PFN2: variants seen among roughly 807,000 people sequenced by gnomAD.
The protein encoded by PFN2 is profilin 2, also known as profilin-2.
PFN2 carries 8 observed loss-of-function variants against 15.3 expected under a neutral mutation model. That is an observed-to-expected ratio of 0.52 (90% CI 0.31 to 0.95). The LOEUF (loss-of-function observed/expected upper bound fraction) is 0.95. PFN2 is among the 40% of genes least tolerant of loss of function. The probability of loss-of-function intolerance (pLI) is 0.05; values close to 1 mark genes in which losing one functional copy is unlikely to be tolerated. For missense variants in PFN2, 111 were observed against 182.3 expected, an observed-to-expected ratio of 0.61 and a Z score of 2.25; for synonymous variants, 79 against 67.9, an observed-to-expected ratio of 1.16 and a Z score of -0.81.
At chr3:149,966,781 A>C (rs1722705648) in intron 2 of PFN2, among the ~76,000 whole-genome samples, 195 bp from the exon 3 acceptor site, 1 of 152,138 alleles carries the variant, frequency 6.6e-6, no homozygotes, top group South Asian at 2.1e-4. Context: ...AGTAAACTTG[A>C]CTGCATCTTG....
Position 149,966,018 on chromosome 3 carries a change from A to G in PFN2, c.*471T>C. ...TAAGGGTTGGTTACATACAGTGGTTAACATACAAATGATCCATTGGGCAAA... is the reference window on the plus strand; with the variant it reads ...TAAGGGTTGGTTACATACAGTGGTTGACATACAAATGATCCATTGGGCAAA... On this transcript the variant is annotated 3_prime_UTR_variant, in exon 3 of 3. Transcript: ENST00000239940. 2 of 1,466,192 alleles carry G rather than the reference A, an allele frequency of 1.4e-6. No homozygotes were observed. The highest frequency in any genetic ancestry group is 1.8e-6 in the Non-Finnish European group (2 of 1,113,932). 90.8% of individuals were successfully genotyped at this position (1,466,192 alleles called of 1,614,324 possible).
Position 149,966,319 on chromosome 3 carries a change from G to A in PFN2, c.*170C>T, listed in dbSNP as rs1576618322. The A allele has an allele frequency of 5.0e-6, 8 of 1,602,992 alleles. No individual in the cohort carries two copies. In the East Asian group the frequency reaches 8.9e-5, roughly 18 times the overall value. ...TGAACAGAATTATTTTGGGGGGGGA[G>A]GGCAGAAAGAAAGACACCTTTCCCC... On this transcript the variant is annotated 3_prime_UTR_variant, in exon 3 of 3. Coordinates refer to ENST00000239940, the MANE Select transcript of PFN2 (RefSeq NM_053024.4).
chr3:149,966,962 C>G lies in PFN2; in HGVS notation c.326-376G>C, dbSNP rs545224550. Among the ~76,000 whole-genome samples the G allele has an allele frequency of 1.7e-4, 17 of 102,364 alleles. 1 individual carries two copies. Among genetic ancestry groups the G allele is most frequent in the African/African-American group, 3.6e-4 (8 of 22,084 alleles). The allele number at this position is 102,364 out of a possible 152,430, so 67.2% of individuals were successfully genotyped here. A position where few individuals can be genotyped will look rare whatever the true frequency, so the allele number is the denominator to read the frequency against. ...TAAACTTAATAAACCTGGGGAGTTA[C>G]TTACTTACAAACTCTCCCCAAATTT... On this transcript the variant is annotated intron_variant, in intron 2 of 2. Coordinates refer to ENST00000239940, the MANE Select transcript of PFN2 (RefSeq NM_053024.4).
Position 149,966,058 on chromosome 3 carries a change from T to G in PFN2, c.*431A>C. ...CATTGGGCAAACAGGAATCATGACA[T>G]TAGAAAATAGGTAAAGAAAAATTAG... On this transcript the variant is annotated 3_prime_UTR_variant, in exon 3 of 3. Transcript: ENST00000239940. 1.3e-6 allele frequency: 2 copies of G among 1,519,904 alleles called. No homozygotes were observed. The highest frequency in any genetic ancestry group is 1.8e-6 in the Non-Finnish European group (2 of 1,137,336). 94.2% of individuals were successfully genotyped at this position (1,519,904 alleles called of 1,614,324 possible).
At position 149,965,929 on chromosome 3, in the gene PFN2, GC is replaced by G; in HGVS notation, c.*559del. ...GACAAAGTGATGCCCAACTTGGCATGCCCCCTCCCCCCAATTTCAAGGTATC... is the reference window on the plus strand; with the variant it reads ...GACAAAGTGATGCCCAACTTGGCATGCCCCTCCCCCCAATTTCAAGGTATC... On this transcript the variant is annotated 3_prime_UTR_variant, in exon 3 of 3. Coordinates refer to ENST00000239940, the MANE Select transcript of PFN2 (RefSeq NM_053024.4). 1 of 1,316,356 alleles carries G rather than the reference GC, an allele frequency of 7.6e-7. No homozygotes were observed. Among genetic ancestry groups the G allele is most frequent in the Non-Finnish European group, 9.7e-7 (1 of 1,035,920 alleles). The allele number at this position is 1,316,356 out of a possible 1,614,324, so 81.5% of individuals were successfully genotyped here.
At position 149,965,306 on chromosome 3, in the gene PFN2, A is replaced by G. The variant is rs1029298507; in HGVS notation, c.*1183T>C. 6.5e-7 allele frequency: 1 copy of G among 1,534,886 alleles called. No homozygotes were observed. Among genetic ancestry groups the G allele is most frequent in the African/African-American group, 1.4e-5 (1 of 72,990 alleles). On this transcript the variant is annotated 3_prime_UTR_variant, in exon 3 of 3. Transcript: ENST00000239940. ...GCTGCAAATAAAAATTGGTCCTATGAAGAACAAACTGGACACACTCCAGAT... is the reference window on the plus strand; with the variant it reads ...GCTGCAAATAAAAATTGGTCCTATGGAGAACAAACTGGACACACTCCAGAT...
chr3:149,969,158 T>C (rs1306762381), intron 1 of PFN2, among the ~76,000 whole-genome samples: 7 of 152,216 alleles, frequency 4.6e-5, no homozygotes, highest in Non-Finnish European at 8.8e-5. Context: ...CGACTCCCGT[T>C]TCTTTCCAAC....
rs1722653146 is a variant in PFN2 at position 149,965,291 on chromosome 3, A to G, written c.*1198T>C. 6.5e-7 allele frequency: 1 copy of G among 1,535,342 alleles called. No individual in the cohort carries two copies. The highest frequency in any genetic ancestry group is 1.4e-5 in the African/African-American group (1 of 73,144). On this transcript the variant is annotated 3_prime_UTR_variant, in exon 3 of 3. Transcript: ENST00000239940. Reference sequence around the variant, plus strand: ...CATATAAAAACTCAAGCTGCAAATAAAAATTGGTCCTATGAAGAACAAACT... The same window carrying G: ...CATATAAAAACTCAAGCTGCAAATAGAAATTGGTCCTATGAAGAACAAACT...
At position 149,968,376 on chromosome 3, in the gene PFN2, C is replaced by G. The variant is rs761126856; in HGVS notation, c.307G>C (p.Val103Leu). The change falls in exon 2 of 3, where the codon GTC (valine) becomes CTC (leucine). Residue 103 changes from valine to leucine, a missense_variant. Coordinates refer to ENST00000239940, the MANE Select transcript of PFN2 (RefSeq NM_053024.4). Reference protein sequence around the residue: ...QGGEPTYNVAVGRAGRVLVFV... With the variant: ...QGGEPTYNVALGRAGRVLVFV... ...TACTCACCTCTACCAGCTCTGCCGA[C>G]AGCCACATTGTATGTTGGCTCCCCA... The G allele has an allele frequency of 4.3e-6, 7 of 1,613,932 alleles. No homozygotes were observed. The highest frequency in any genetic ancestry group is 4.2e-6 in the Non-Finnish European group (5 of 1,179,920).
rs185713104 is a variant in PFN2, at chr3:149,969,809, C to T, written c.132+916G>A. On this transcript the variant is annotated intron_variant, in intron 1 of 2. Transcript: ENST00000239940. The stretch of plus-strand genomic sequence containing the variant: ...AAACATATTGCAACCAACTCAAAAC[C>T]ATCAAGTCTCAAGAAAATCAGGCAA... 3.3e-4 allele frequency among the ~76,000 whole-genome samples: 50 copies of T among 152,188 alleles called. 1 individual carries two copies. In the East Asian group the frequency reaches 8.9e-3, roughly 27 times the overall value.
chr3:149,965,217 T>C lies in PFN2; in HGVS notation c.*1272A>G, dbSNP rs1254104336. ...TAACAATAGTATGGCACAGAATACATATGAAAAAAATTCATCACAAGACAG... is the reference window on the plus strand; with the variant it reads ...TAACAATAGTATGGCACAGAATACACATGAAAAAAATTCATCACAAGACAG... On this transcript the variant is annotated 3_prime_UTR_variant, in exon 3 of 3. Transcript: ENST00000239940. 3 of 1,529,960 alleles carry C rather than the reference T, an allele frequency of 2.0e-6. No individual in the cohort carries two copies. The highest frequency in any genetic ancestry group is 1.2e-5 in the South Asian group (1 of 83,128). 94.8% of individuals were successfully genotyped at this position (1,529,960 alleles called of 1,614,324 possible).
At chr3:149,969,104 C>T (rs1722771370) in intron 1 of PFN2, among the ~76,000 whole-genome samples, 1 of 152,212 alleles carries the variant, frequency 6.6e-6, no homozygotes, top group Non-Finnish European at 1.5e-5. Context: ...CCCTGGACAT[C>T]AGTGCTTTTC....
At position 149,966,046 on chromosome 3, in the gene PFN2, G is replaced by A. The variant is rs200060296; in HGVS notation, c.*443C>T. Reference sequence around the variant, plus strand: ...ATACAAATGATCCATTGGGCAAACAGGAATCATGACATTAGAAAATAGGTA... The same window carrying A: ...ATACAAATGATCCATTGGGCAAACAAGAATCATGACATTAGAAAATAGGTA... On this transcript the variant is annotated 3_prime_UTR_variant, in exon 3 of 3. Transcript: ENST00000239940. 8.6e-6 allele frequency: 13 copies of A among 1,508,938 alleles called. No individual in the cohort carries two copies. The East Asian group carries it at 3.0e-4, about 34-fold the overall frequency. The allele number at this position is 1,508,938 out of a possible 1,614,324, so 93.5% of individuals were successfully genotyped here. A position where few individuals can be genotyped will look rare whatever the true frequency, so the allele number is the denominator to read the frequency against.
Position 149,965,544 on chromosome 3 carries a change from C to T in PFN2, c.*945G>A, listed in dbSNP as rs1559985205. 1.5e-6 allele frequency: 2 copies of T among 1,305,928 alleles called. No homozygotes were observed. The highest frequency in any genetic ancestry group is 5.8e-5 in the East Asian group (2 of 34,774). The allele number at this position is 1,305,928 out of a possible 1,614,324, so 80.9% of individuals were successfully genotyped here. ...TTGCACTCTTCATATGTCCTGTAGA[C>T]ACTATGAATAAAGGTTTGTCTCTGC... is the stretch of plus-strand genomic sequence containing the variant. On this transcript the variant is annotated 3_prime_UTR_variant, in exon 3 of 3. Transcript: ENST00000239940.
In PFN2 at chr3:149,970,735, T is replaced by A; in HGVS notation, c.122A>T (p.Gln41Leu). Reference sequence around the variant, plus strand: ...GCCACTGGTCCTCACCGTAATGCTCTGAAAGACGCCCCCGGCCGTGGCTGC... The same window carrying A: ...GCCACTGGTCCTCACCGTAATGCTCAGAAAGACGCCCCCGGCCGTGGCTGC... Reference protein sequence around the residue: ...VWAATAGGVFQSITPIEIDMI... With the variant: ...VWAATAGGVFLSITPIEIDMI... The change falls in exon 1 of 3, where the codon CAG becomes CTG. Residue 41 changes from glutamine to leucine, a missense_variant. Around this residue, in one of 2 missense-constraint regions of PFN2, gnomAD observed 64 missense variants for 69.7 expected, o/e 0.92. Transcript: ENST00000239940. 6.6e-7 allele frequency: 1 copy of A among 1,520,670 alleles called. No homozygotes were observed. Among genetic ancestry groups the A allele is most frequent in the Non-Finnish European group, 8.8e-7 (1 of 1,130,804 alleles). The allele number at this position is 1,520,670 out of a possible 1,614,324, so 94.2% of individuals were successfully genotyped here. A position where few individuals can be genotyped will look rare whatever the true frequency, so the allele number is the denominator to read the frequency against.
chr3:149,966,704 C>T (rs990493567), intron 2 of PFN2, 118 bp from the exon 3 acceptor site: 6 of 758,904 alleles, frequency 7.9e-6, no homozygotes, highest in African/African-American at 1.7e-5. Context: ...CCATGAACTG[C>T]CAAGCACTGA....
rs1384864492 is a variant in PFN2, at chr3:149,966,092, TAC to T, written c.*395_*396del. The stretch of plus-strand genomic sequence containing the variant: ...AGGTAAAGAAAAATTAGCTACCATC[TAC>T]AGTTTGGTAGCATTGTGACCATAAT... On this transcript the variant is annotated 3_prime_UTR_variant, in exon 3 of 3. Coordinates refer to ENST00000239940, the MANE Select transcript of PFN2 (RefSeq NM_053024.4). 3 of 1,551,548 alleles carry T rather than the reference TAC, an allele frequency of 1.9e-6. No homozygotes were observed. The highest frequency in any genetic ancestry group is 2.1e-5 in the Admixed American group (1 of 48,124).
chr3:149,966,674 GTTAACA>G, intron 2 of PFN2, 88 bp from the exon 3 acceptor site: 5 of 986,532 alleles, frequency 5.1e-6, no homozygotes, highest in Non-Finnish European at 7.9e-6. Context: ...GGATTAATAA[GTTAACA>G]TTAAGTTAGT....
At chr3:149,969,507 T>G (rs1229846761) in intron 1 of PFN2, among the ~76,000 whole-genome samples, 1 of 152,186 alleles carries the variant, frequency 6.6e-6, no homozygotes, top group Non-Finnish European at 1.5e-5. Flanking sequence ...GCCAATTCCC[T>G]ACAAGAATTG....
Sources: gnomAD v4.1 joint callset for allele counts (sites outside exome capture counted in the v4.1 genomes callset) on GRCh38, gnomAD v4.1.1 for gene constraint, gnomAD v4.1.1 regional missense constraint, MANE v1.5 for transcripts, NCBI Gene and HGNC (gene_info 2026-07-23, HGNC 2026-07-21) for gene names.